Variants in AIG1 observed in about 807,000 individuals in gnomAD.
The protein encoded by AIG1 is androgen induced 1, also known as androgen-induced gene 1 protein.
In AIG1, 23 loss-of-function variants were observed where a neutral mutation model predicts 31.4. The ratio of observed to expected loss-of-function variants is 0.73; its 90% CI spans 0.53 to 1.04. The LOEUF is 1.04. Among genes scored for constraint, AIG1 ranks in the 50% least tolerant of loss-of-function variants. AIG1 has a pLI of 0.00. For synonymous variants in AIG1, 100 were observed against 110.5 expected, an observed-to-expected ratio of 0.90 and a Z score of 0.60; for missense variants, 274 against 295.0, an observed-to-expected ratio of 0.93 and a Z score of 0.52.
intron 3 of AIG1, among the ~76,000 whole-genome samples, chr6:143,272,927 A>G (rs542445682): frequency 4.6e-5 from 7 of 152,268 alleles, no homozygotes; most frequent in African/African-American, 1.4e-4. Flanking sequence ...TCAGGAGTTC[A>G]AGACCAGCCT....
chr6:143,209,085 T>C (rs1791379110), intron 3 of AIG1, among the ~76,000 whole-genome samples: 1 of 152,184 alleles, frequency 6.6e-6, no homozygotes, highest in Non-Finnish European at 1.5e-5. Context: ...AAACTGTTAG[T>C]TAACCTAGAA....
chr6:143,259,809 G>A (rs76779360), intron 3 of AIG1, among the ~76,000 whole-genome samples: 3,512 of 152,254 alleles, frequency 0.023, 105 homozygotes, highest in African/African-American at 0.079. Flanking sequence ...TGGATAGGGA[G>A]CACTAGGAGA....
At chr6:143,065,514 A>G (rs1330932432) in intron 1 of AIG1, among the ~76,000 whole-genome samples, 2 of 152,198 alleles carry the variant, frequency 1.3e-5, no homozygotes, top group African/African-American at 2.4e-5. Flanking sequence ...TGTGTGTTAC[A>G]TGATAATTGC....
At chr6:143,122,376 C>G (rs914017486) in intron 1 of AIG1, among the ~76,000 whole-genome samples, 1 of 151,902 alleles carries the variant, frequency 6.6e-6, no homozygotes, top group Admixed American at 6.6e-5. Flanking sequence ...AGAATTTAAA[C>G]ATATACTTTG....
intron 3 of AIG1, among the ~76,000 whole-genome samples, chr6:143,180,431 C>T (rs1305928354): frequency 6.6e-6 from 1 of 152,162 alleles, no homozygotes; most frequent in East Asian, 1.9e-4. Context: ...GTTATTCTGG[C>T]CTGTTTCCTC....
At chr6:143,076,629 T>C (rs969810250) in intron 1 of AIG1, among the ~76,000 whole-genome samples, 4 of 152,114 alleles carry the variant, frequency 2.6e-5, no homozygotes, top group Non-Finnish European at 5.9e-5. Context: ...TATCCTTTTT[T>C]TGTTCCCCCA....
chr6:143,178,977 C>A (rs892130461), intron 3 of AIG1, among the ~76,000 whole-genome samples: 1 of 152,058 alleles, frequency 6.6e-6, no homozygotes, highest in Non-Finnish European at 1.5e-5. Flanking sequence ...CCACATAGGG[C>A]CCATATAGGA....
At chr6:143,086,543 T>C (rs1236279144) in intron 1 of AIG1, among the ~76,000 whole-genome samples, 1 of 152,114 alleles carries the variant, frequency 6.6e-6, no homozygotes, top group African/African-American at 2.4e-5. Context: ...AGGTGTCACA[T>C]AACTGCCCAT....
At chr6:143,337,092 C>A (rs1777552394) in intron 5 of AIG1, among the ~76,000 whole-genome samples, 1 of 152,202 alleles carries the variant, frequency 6.6e-6, no homozygotes, top group Admixed American at 6.5e-5. Context: ...GTCACAGGAG[C>A]CCCACCCCCA....
At chr6:143,217,032 C>T (rs1161897509) in intron 3 of AIG1, among the ~76,000 whole-genome samples, 1 of 152,220 alleles carries the variant, frequency 6.6e-6, no homozygotes, top group African/African-American at 2.4e-5. Context: ...CAGTAGTATT[C>T]TTCATTACAC....
At chr6:143,071,412 G>A (rs758723042) in intron 1 of AIG1, among the ~76,000 whole-genome samples, 16 of 152,154 alleles carry the variant, frequency 1.1e-4, no homozygotes, top group African/African-American at 3.1e-4. Flanking sequence ...AGAGGTTTTT[G>A]TGTGACCATA....
At chr6:143,212,044 G>T (rs1478126614) in intron 3 of AIG1, among the ~76,000 whole-genome samples, 1 of 152,064 alleles carries the variant, frequency 6.6e-6, no homozygotes. Flanking sequence ...GTTGGGTGGG[G>T]CCTGGGGGCT....
intron 2 of AIG1, among the ~76,000 whole-genome samples, chr6:143,146,168 A>G (rs563411661): frequency 7.9e-5 from 12 of 152,278 alleles, no homozygotes; most frequent in African/African-American, 2.9e-4. Context: ...TGTCCTATAG[A>G]TCATTTCACA....
In AIG1 at chr6:143,121,972, A is replaced by G. The variant is rs1782280617; in HGVS notation, c.142-14863A>G. ...AGCACAGTTTAGTTTTGTTTATGGT[A>G]TTCTGGTGAAAAAATTATTGATAGT... On this transcript the variant is annotated intron_variant, in intron 1 of 5. Transcript: ENST00000357847. 3.9e-5 allele frequency among the ~76,000 whole-genome samples: 6 copies of G among 152,170 alleles called. No individual in the cohort carries two copies. In the South Asian group the frequency reaches 1.2e-3, roughly 32 times the overall value.
chr6:143,343,316 G>A (rs910132230), downstream of AIG1: 17 of 611,336 alleles, frequency 2.8e-5, no homozygotes, highest in African/African-American at 3.1e-4. Context: ...AGAACAGGGA[G>A]CCTCTAGTGA....
chr6:143,129,215 T>C (rs1583268908), intron 1 of AIG1, among the ~76,000 whole-genome samples: 1 of 152,108 alleles, frequency 6.6e-6, no homozygotes, highest in Non-Finnish European at 1.5e-5. Context: ...GGCATGAACC[T>C]GGGAGGCGGA....
chr6:143,189,044 T>G (rs1789542216), intron 3 of AIG1: 1 of 976,810 alleles, frequency 1.0e-6, no homozygotes. Flanking sequence ...TTAACTTTTT[T>G]TATTTTTTGG....
At chr6:143,218,472 A>G (rs1008398157) in intron 3 of AIG1, among the ~76,000 whole-genome samples, 6 of 152,222 alleles carry the variant, frequency 3.9e-5, no homozygotes, top group African/African-American at 1.4e-4. Flanking sequence ...TTCTTTTCCA[A>G]ATAGGAAATT....
At chr6:143,195,197 AT>A (rs1790123474) in intron 3 of AIG1, among the ~76,000 whole-genome samples, 2 of 152,118 alleles carry the variant, frequency 1.3e-5, no homozygotes, top group South Asian at 4.1e-4. Flanking sequence ...TTAGGGAGCA[AT>A]TTCTGTTTCA....
Sources: gnomAD v4.1 joint callset for allele counts (sites outside exome capture counted in the v4.1 genomes callset) on GRCh38, gnomAD v4.1.1 for gene constraint, MANE v1.5 for transcripts, NCBI Gene and HGNC (gene_info 2026-07-23, HGNC 2026-07-21) for gene names.